Variants in SIGLEC5 observed in about 807,000 individuals in gnomAD.
The protein encoded by SIGLEC5 is sialic acid binding Ig like lectin 5.
A neutral mutation model predicts 45.9 loss-of-function variants in SIGLEC5; 34 were observed. That is an observed-to-expected ratio of 0.74 (90% CI 0.56 to 0.99). The LOEUF (loss-of-function observed/expected upper bound fraction) is 0.99, where lower values mean the gene tolerates loss of function less well. Among genes scored for constraint, SIGLEC5 ranks in the 50% least tolerant of loss-of-function variants. The probability of loss-of-function intolerance (pLI) is 0.00; values close to 1 mark genes in which losing one functional copy is unlikely to be tolerated. For synonymous variants in SIGLEC5, 203 were observed against 258.6 expected (o/e 0.79, Z 2.06); for missense variants, 508 against 629.6 (o/e 0.81, Z 2.07).
intron 8 of SIGLEC5, among the ~76,000 whole-genome samples, chr19:51,612,634 T>C (rs987574737): frequency 2.6e-5 from 4 of 152,214 alleles, no homozygotes; most frequent in Admixed American, 2.6e-4. Flanking sequence ...GTCTGCCTTA[T>C]ACAACCATCT....
chr19:51,628,762 A>G (rs62115012), intron 4 of SIGLEC5, among the ~76,000 whole-genome samples: 6,952 of 127,552 alleles, frequency 0.055, 651 homozygotes, highest in East Asian at 0.48. Flanking sequence ...GTGTGTGTGT[A>G]TGTGCGTGTG....
In SIGLEC5 at chr19:51,627,216, C is replaced by T; in HGVS notation, c.1315G>A (p.Ala439Thr). The T allele has an allele frequency of 6.2e-7, 1 of 1,614,118 alleles. No homozygotes were observed. The change falls in exon 7 of 9, where the codon GCA becomes ACA. Residue 439 changes from alanine to threonine, a missense_variant. Around this residue, in one of 2 missense-constraint regions of SIGLEC5, gnomAD observed 431 missense variants for 428.8 expected, o/e 1.01. Transcript: ENST00000683636. ...RSNLGTGVVPAALGGAGVMAL... is the reference protein window; with the variant it reads ...RSNLGTGVVPTALGGAGVMAL... ...ATGACACCAGCACCACCAAGGGCTG[C>T]AGGAACCACTCCTGTCCCGAGGTTC...
In SIGLEC5 at chr19:51,611,384, T is replaced by G. The variant is rs1024420831; in HGVS notation, c.*847A>C. ...CCAGATGAAAGCAAGGAGGCATGGC[T>G]TCCAGGAGGAGGAATCTCAAATTGC... On this transcript the variant is annotated 3_prime_UTR_variant, in exon 9 of 9. Transcript: ENST00000683636. Among the ~76,000 whole-genome samples the G allele has an allele frequency of 6.6e-6, 1 of 152,216 alleles. No individual in the cohort carries two copies. The highest frequency in any genetic ancestry group is 1.5e-5 in the Non-Finnish European group (1 of 68,044).
chr19:51,618,432 G>A (rs1983145797), intron 8 of SIGLEC5, among the ~76,000 whole-genome samples: 1 of 105,080 alleles, frequency 9.5e-6, no homozygotes. Context: ...ATGAGTGAGT[G>A]AGACCCTGCC....
chr19:51,612,319 A>G lies in SIGLEC5; in HGVS notation c.1568T>C (p.Leu523Pro), dbSNP rs1333374407. 6.2e-7 allele frequency: 1 copy of G among 1,613,182 alleles called. No individual in the cohort carries two copies. The highest frequency in any genetic ancestry group is 1.3e-5 in the African/African-American group (1 of 74,866). ...EEQKELHYAS[L>P]SFSEMKSREP... ...CCTCGACTTCATCTCAGAAAAACTA[A>G]GGGAGGCATAATGGAGCTCCTTTTG... Residue 523 changes from leucine (L) to proline (P), a missense_variant, in exon 9 of 9, where the codon CTT (leucine) becomes CCT (proline). Coordinates refer to ENST00000683636, the MANE Select transcript of SIGLEC5 (RefSeq NM_003830.4).
intron 8 of SIGLEC5, among the ~76,000 whole-genome samples, chr19:51,615,685 A>T (rs895985358): frequency 6.6e-6 from 1 of 152,158 alleles, no homozygotes; most frequent in Non-Finnish European, 1.5e-5. Context: ...AGATGGAGGG[A>T]TGACTTAAGC....
chr19:51,612,787 T>C (rs1046034222), intron 8 of SIGLEC5, among the ~76,000 whole-genome samples: 9 of 152,220 alleles, frequency 5.9e-5, no homozygotes, highest in African/African-American at 2.2e-4. Flanking sequence ...TCCTGCCTGC[T>C]AGCTCTAAAC....
At chr19:51,619,316 G>A (rs1369377346) in intron 8 of SIGLEC5, among the ~76,000 whole-genome samples, 1 of 152,136 alleles carries the variant, frequency 6.6e-6, no homozygotes, top group African/African-American at 2.4e-5. Flanking sequence ...TCCTGACCTT[G>A]TGATCTGCCC....
At chr19:51,629,783 A>T (rs561870658) in intron 2 of SIGLEC5, 50 bp downstream of exon 2, 1 of 1,303,194 alleles carries the variant, frequency 7.7e-7, no homozygotes, top group East Asian at 2.2e-5. Flanking sequence ...CCCTGTTCTC[A>T]TACGGGGGTC....
rs568001393 is a variant in SIGLEC5, at chr19:51,611,240, A to G, written c.*991T>C. Among the ~76,000 whole-genome samples, 58 of 152,314 alleles carry G rather than the reference A, an allele frequency of 3.8e-4. No homozygotes were observed. The highest frequency in any genetic ancestry group is 1.4e-3 in the African/African-American group (58 of 41,562). On this transcript the variant is annotated 3_prime_UTR_variant, in exon 9 of 9. Coordinates refer to ENST00000683636, the MANE Select transcript of SIGLEC5 (RefSeq NM_003830.4). ...AATTTTTAGCTGCTTTTGGTTTAGC[A>G]TTTTAAAAAATAAATTAGTTCAATT...
At chr19:51,627,781 C>A in intron 5 of SIGLEC5, 35 bp from the exon 6 acceptor site, 1 of 1,567,104 alleles carries the variant, frequency 6.4e-7, no homozygotes, top group African/African-American at 1.4e-5. Context: ...AGCAGGGGGC[C>A]TCTTCCTTCT....
rs1982844845 is a variant in SIGLEC5, at chr19:51,611,417, G to C, written c.*814C>G. Among the ~76,000 whole-genome samples, 1 of 152,218 alleles carries C rather than the reference G, an allele frequency of 6.6e-6. No individual in the cohort carries two copies. Among genetic ancestry groups the C allele is most frequent in the African/African-American group, 2.4e-5 (1 of 41,446 alleles). ...GGAGGAATCTCAAATTGCAAAGACA[G>C]TGTGGTATGAACCAGCATGAAAGGC... On this transcript the variant is annotated 3_prime_UTR_variant, in exon 9 of 9. Transcript: ENST00000683636.
At chr19:51,622,391 G>A (rs1308203044) in intron 8 of SIGLEC5, among the ~76,000 whole-genome samples, 20 of 150,880 alleles carry the variant, frequency 1.3e-4, no homozygotes, top group African/African-American at 4.9e-5. Flanking sequence ...CACCCACCTC[G>A]GCCTCCCAAA....
At chr19:51,617,254 TAAA>T (rs34056987) in intron 8 of SIGLEC5, among the ~76,000 whole-genome samples, 1 of 130,388 alleles carries the variant, frequency 7.7e-6, no homozygotes, top group Non-Finnish European at 1.6e-5. Flanking sequence ...GACTCCACCT[TAAA>T]AAAAAAAAAA....
intron 8 of SIGLEC5, among the ~76,000 whole-genome samples, chr19:51,613,134 C>G (rs867146077): frequency 6.6e-6 from 1 of 152,126 alleles, no homozygotes; most frequent in African/African-American, 2.4e-5. Context: ...GGGAATAAAC[C>G]GGACACAGGT....
chr19:51,627,132 C>T lies in SIGLEC5; in HGVS notation c.1382+17G>A. 1.9e-6 allele frequency: 3 copies of T among 1,604,810 alleles called. No individual in the cohort carries two copies. The highest frequency in any genetic ancestry group is 2.6e-6 in the Non-Finnish European group (3 of 1,171,694). ...CTACAAACACCACCCTGTACCTTCC[C>T]TGGGACCAAGACTTACATTAAAAAG... On this transcript the variant is annotated intron_variant, in intron 7 of 8. Transcript: ENST00000683636.
In SIGLEC5 at chr19:51,618,443, T is replaced by TAAAAA. The variant is rs1228951315; in HGVS notation, c.1465-6026_1465-6022dup. Among the ~76,000 whole-genome samples, 79 of 49,418 alleles carry TAAAAA rather than the reference T, an allele frequency of 1.6e-3. 6 individuals carry two copies. The highest frequency in any genetic ancestry group is 1.9e-3 in the African/African-American group (22 of 11,422). 32.4% of individuals were successfully genotyped at this position (49,418 alleles called of 152,430 possible). ...CCGCATGAGTGAGTGAGACCCTGCC[T>TAAAAA]AAAAAAAAAAAAAAAAAAAAAAAAA... On this transcript the variant is annotated intron_variant, in intron 8 of 8. Transcript: ENST00000683636.
chr19:51,617,021 C>T (rs976456763), intron 8 of SIGLEC5, among the ~76,000 whole-genome samples: 4 of 151,322 alleles, frequency 2.6e-5, no homozygotes, highest in South Asian at 2.1e-4. Flanking sequence ...TTTGGGAGGC[C>T]GAGGCTGGCG....
In SIGLEC5 at chr19:51,626,084, C is replaced by T; in HGVS notation, c.1412G>A (p.Gly471Glu). The change falls in exon 8 of 9, where the codon GGG becomes GAG. Residue 471 changes from glycine (G) to glutamate (E), a missense_variant. Gly to Glu is a moderately conservative substitution (Grantham distance 98). Around this residue, in one of 2 missense-constraint regions of SIGLEC5, gnomAD observed 431 missense variants for 428.8 expected, o/e 1.01. Transcript: ENST00000683636. ...IVKARRKQAA[G>E]RPEKMDDEDP... Reference sequence around the variant, plus strand: ...TTCATCATCCATTTTCTCTGGTCTCCCAGCTGCTTGCTTCCTGCGGGCTTT... The same window carrying T: ...TTCATCATCCATTTTCTCTGGTCTCTCAGCTGCTTGCTTCCTGCGGGCTTT... The T allele has an allele frequency of 1.9e-6, 3 of 1,613,896 alleles. No homozygotes were observed. Among genetic ancestry groups the T allele is most frequent in the Non-Finnish European group, 2.5e-6 (3 of 1,180,028 alleles).
Sources: allele counts gnomAD v4.1 joint callset (sites outside exome capture counted in the v4.1 genomes callset), GRCh38; gene constraint gnomAD v4.1.1; regional missense constraint gnomAD v4.1.1; transcripts MANE v1.5; gene names NCBI Gene and HGNC (gene_info 2026-07-23, HGNC 2026-07-21).